ADRA1A: variants seen among roughly 807,000 people sequenced by gnomAD.
ADRA1A encodes the protein alpha-1A adrenergic receptor.
Under a neutral mutation model 29.6 loss-of-function variants are expected in ADRA1A, and 31 were observed. The ratio of observed to expected loss-of-function variants is 1.05; its 90% CI spans 0.79 to 1.41. The LOEUF (loss-of-function observed/expected upper bound fraction) is 1.41, where lower values mean the gene tolerates loss of function less well. Among genes scored for constraint, ADRA1A ranks in the 40% most tolerant of loss-of-function variants. The pLI is 0.00. For synonymous variants in ADRA1A, 311 were observed against 254.3 expected (o/e 1.22, Z -2.12); for missense variants, 619 against 601.1 (o/e 1.03, Z -0.31).
intron 2 of ADRA1A, among the ~76,000 whole-genome samples, chr8:26,804,002 A>G (rs1188440192): frequency 6.9e-6 from 1 of 144,064 alleles, no homozygotes; most frequent in Non-Finnish European, 1.5e-5. Context: ...GCTCACTGCA[A>G]CCTTGAATTC....
intron 2 of ADRA1A, among the ~76,000 whole-genome samples, chr8:26,772,976 A>G (rs1806284671): frequency 6.6e-6 from 1 of 152,220 alleles, no homozygotes. Context: ...AATAAAGTTT[A>G]CAGTCTTTGA....
At chr8:26,784,140 C>A (rs1292108387) in intron 2 of ADRA1A, among the ~76,000 whole-genome samples, 1 of 152,148 alleles carries the variant, frequency 6.6e-6, no homozygotes, top group Admixed American at 6.5e-5. Flanking sequence ...ACCTATGTAA[C>A]AAATCTGCAC....
chr8:26,862,185 A>T lies in ADRA1A; in HGVS notation c.883+1902T>A, dbSNP rs552952105. Among the ~76,000 whole-genome samples the T allele has an allele frequency of 5.5e-4, 84 of 152,194 alleles. No homozygotes were observed. The Middle Eastern group carries it at 0.014, about 25-fold the overall frequency. ...AGCCATACTGGCCTCTGTGATCTTC[A>T]TTGAACAGGTCAGGCTCTTTCCCAT... On this transcript the variant is annotated intron_variant, in intron 2 of 2. Coordinates refer to ENST00000380573, the MANE Select transcript of ADRA1A (RefSeq NM_000680.4).
exon 3 of ADRA1A, chr8:26,756,715 T>C: frequency 1.2e-6 from 2 of 1,614,130 alleles, no homozygotes; most frequent in Non-Finnish European, 1.7e-6. Context: ...CATGCTCCCC[T>C]TCCTTGGGCA....
downstream of ADRA1A, among the ~76,000 whole-genome samples, chr8:26,762,245 AT>A (rs1287602165): frequency 2.6e-5 from 4 of 152,140 alleles, no homozygotes; most frequent in African/African-American, 9.7e-5. This position sits in a 1 kb window ranked among gnomAD's most constrained non-coding sequence, Gnocchi z 4.0. Flanking sequence ...CTTTTCCAAA[AT>A]GTGGCTGCAC....
intron 2 of ADRA1A, among the ~76,000 whole-genome samples, chr8:26,816,794 C>T (rs1159974245): frequency 6.6e-6 from 1 of 152,152 alleles, no homozygotes; most frequent in Non-Finnish European, 1.5e-5. Context: ...ATGGAGAAGA[C>T]CCTATGAAAG....
intron 2 of ADRA1A, chr8:26,858,942 C>T: frequency 2.4e-6 from 2 of 847,544 alleles, no homozygotes; most frequent in Non-Finnish European, 3.1e-6. Flanking sequence ...GCAAGCAACC[C>T]AGCCTTAGTG....
chr8:26,754,701 T>C (rs1245238250), downstream of ADRA1A, among the ~76,000 whole-genome samples: 1 of 152,188 alleles, frequency 6.6e-6, no homozygotes, highest in African/African-American at 2.4e-5. Context: ...TAAAGTATAA[T>C]TTTAATTTCA....
chr8:26,859,120 T>C (rs1259406999), intron 2 of ADRA1A: 1 of 1,289,922 alleles, frequency 7.8e-7, no homozygotes, highest in East Asian at 5.5e-5. Flanking sequence ...GGTTTCAGTT[T>C]TTAATCTCTT....
chr8:26,784,466 A>C (rs773856352), intron 2 of ADRA1A, among the ~76,000 whole-genome samples: 19 of 152,358 alleles, frequency 1.2e-4, no homozygotes, highest in Non-Finnish European at 2.1e-4. Context: ...AGATGTACTA[A>C]TTCCCCAGGT....
chr8:26,778,890 A>G (rs190533250), intron 2 of ADRA1A, among the ~76,000 whole-genome samples: 1 of 151,904 alleles, frequency 6.6e-6, no homozygotes, highest in Non-Finnish European at 1.5e-5. Flanking sequence ...ACATGTATAC[A>G]TATGTAACAA....
intron 2 of ADRA1A, among the ~76,000 whole-genome samples, chr8:26,817,704 G>A (rs889566399): frequency 6.6e-6 from 1 of 152,184 alleles, no homozygotes; most frequent in African/African-American, 2.4e-5. Context: ...ATTGAGCCTG[G>A]GAGGTTGAGG....
Position 26,756,712 on chromosome 8 carries a change from C to G in ADRA1A, c.*47G>C. 3.7e-6 allele frequency: 6 copies of G among 1,614,036 alleles called. No homozygotes were observed. The African/African-American group carries it at 4.0e-5, about 11-fold the overall frequency. ...AGGACCAGTGGTGGGTTTCATGCTC[C>G]CCTTCCTTGGGCAGTAAGGACAACA... is the stretch of plus-strand genomic sequence containing the variant. On this transcript the variant is annotated 3_prime_UTR_variant, in exon 3 of 3. Coordinates refer to the ADRA1A transcript ENST00000380582.
chr8:26,797,236 T>A (rs1808247154), intron 2 of ADRA1A, among the ~76,000 whole-genome samples: 1 of 152,202 alleles, frequency 6.6e-6, no homozygotes, highest in Admixed American at 6.6e-5. Context: ...AAATCCAGTT[T>A]GTTTTAACAA....
At chr8:26,804,013 C>A (rs1170166936) in intron 2 of ADRA1A, among the ~76,000 whole-genome samples, 2 of 139,528 alleles carry the variant, frequency 1.4e-5, no homozygotes, top group African/African-American at 5.6e-5. Flanking sequence ...CCTTGAATTC[C>A]TGGGCTCAAG....
rs1293034019 is a variant in ADRA1A at position 26,864,360 on chromosome 8, A to G, written c.610T>C (p.Tyr204His). The stretch of plus-strand genomic sequence containing the variant: ...TTGGCCACCACGTAGACGCGGCAGT[A>G]CATGACCAGGATGATGGCCAGAGGC... Reference protein sequence around the residue: ...YLPLAIILVMYCRVYVVAKRE... With the variant: ...YLPLAIILVMHCRVYVVAKRE... Residue 204 changes from tyrosine (Y) to histidine (H), a missense_variant, in exon 2 of 3, where the codon TAC (tyrosine) becomes CAC (histidine). By Grantham distance (83) the Tyr-to-His change is moderately conservative. Transcript: ENST00000380573. The surrounding 1 kb of genome is among the most constrained non-coding windows in gnomAD (Gnocchi z 8.1). 6.2e-7 allele frequency: 1 copy of G among 1,614,064 alleles called. No homozygotes were observed. The highest frequency in any genetic ancestry group is 8.5e-7 in the Non-Finnish European group (1 of 1,180,018).
chr8:26,764,718 C>T (rs1053703042), downstream of ADRA1A, among the ~76,000 whole-genome samples: 2 of 152,224 alleles, frequency 1.3e-5, no homozygotes, highest in Admixed American at 1.3e-4. Context: ...ATTACTTTGA[C>T]AAACATAAAG....
downstream of ADRA1A, among the ~76,000 whole-genome samples, chr8:26,766,715 T>C (rs1805812485): frequency 6.6e-6 from 1 of 152,152 alleles, no homozygotes. Context: ...GTTTAAATCA[T>C]GGTTCCCCTT....
chr8:26,801,717 C>T (rs1808589835), intron 2 of ADRA1A, among the ~76,000 whole-genome samples: 1 of 151,838 alleles, frequency 6.6e-6, no homozygotes, highest in Non-Finnish European at 1.5e-5. Context: ...CAGTGCAATC[C>T]CTATCGAAAT....
Sources: gnomAD v4.1 joint callset for allele counts (sites outside exome capture counted in the v4.1 genomes callset) on GRCh38, gnomAD v4.1.1 for gene constraint, Gnocchi (gnomAD v3.1) non-coding constraint, MANE v1.5 for transcripts, NCBI Gene and HGNC (gene_info 2026-07-23, HGNC 2026-07-21) for gene names.